The following NBAS variants were observed in gnomAD, a reference collection of about 807,000 sequenced individuals.
NBAS encodes NBAS subunit of NRZ tethering complex.
In NBAS, 219 loss-of-function variants were observed where a neutral mutation model predicts 302.5. That is an observed-to-expected ratio of 0.72 (90% CI 0.65 to 0.81). The LOEUF (loss-of-function observed/expected upper bound fraction) is 0.81, where lower values mean the gene tolerates loss of function less well. Ranked by LOEUF, NBAS falls within the 30% of genes least tolerant of loss-of-function variation. The probability of loss-of-function intolerance (pLI) is 0.00; values close to 1 mark genes in which losing one functional copy is unlikely to be tolerated. For synonymous variants in NBAS, 1,118 were observed against 1,021.6 expected, an observed-to-expected ratio of 1.09 and a Z score of -1.80; for missense variants, 2,932 against 2,841.6, an observed-to-expected ratio of 1.03 and a Z score of -0.72.
intron 1 of NBAS, among the ~76,000 whole-genome samples, chr2:15,559,016 T>A (rs1291363869): frequency 8.0e-6 from 1 of 124,516 alleles, no homozygotes; most frequent in Non-Finnish European, 1.6e-5. Flanking sequence ...TGAGCCCTGA[T>A]CATGCCACTG....
chr2:15,296,484 C>A (rs1188637582), intron 40 of NBAS, among the ~76,000 whole-genome samples: 1 of 151,960 alleles, frequency 6.6e-6, no homozygotes, highest in Non-Finnish European at 1.5e-5. Flanking sequence ...TGAGATTGTG[C>A]TACTGCACTC....
intron 35 of NBAS, among the ~76,000 whole-genome samples, chr2:15,331,655 T>TAA (rs538209672): frequency 2.0e-5 from 3 of 152,214 alleles, no homozygotes; most frequent in Non-Finnish European, 4.4e-5. Context: ...TAAGTAATAA[T>TAA]AAAGTAATAA....
chr2:15,171,874 G>T (rs527481945), intron 51 of NBAS, among the ~76,000 whole-genome samples: 1 of 152,226 alleles, frequency 6.6e-6, no homozygotes, highest in Non-Finnish European at 1.5e-5. Context: ...CCGTCGACAC[G>T]CCAAGGAGAG....
At chr2:14,805,792 G>A in the NBAS span, among the ~76,000 whole-genome samples, 1 of 151,990 alleles carries the variant, frequency 6.6e-6, no homozygotes, top group African/African-American at 2.4e-5. Flanking sequence ...GACTTTTATT[G>A]ACTGCCTTTG....
At chr2:15,305,500 GGAGTGCAACGGCGC>G (rs1176355761) in intron 40 of NBAS, among the ~76,000 whole-genome samples, 4 of 149,836 alleles carry the variant, frequency 2.7e-5, no homozygotes, top group African/African-American at 9.9e-5. Flanking sequence ...TTGCCCAGGC[GGAGTGCAACGGCGC>G]GATCTCAGCT....
intron 26 of NBAS, among the ~76,000 whole-genome samples, chr2:15,399,184 G>T (rs1261449063): frequency 1.3e-5 from 2 of 152,124 alleles, no homozygotes; most frequent in Non-Finnish European, 2.9e-5. Flanking sequence ...TTACTTTTAA[G>T]AGTTATGCAC....
chr2:14,793,664 G>GA, the NBAS span, among the ~76,000 whole-genome samples: 1 of 151,956 alleles, frequency 6.6e-6, no homozygotes, highest in Non-Finnish European at 1.5e-5. Context: ...AATGATCGAT[G>GA]AAAAAAATGT....
At chr2:14,883,206 T>C in the NBAS span, among the ~76,000 whole-genome samples, 3 of 152,222 alleles carry the variant, frequency 2.0e-5, no homozygotes, top group Non-Finnish European at 4.4e-5. Flanking sequence ...CATATGTGTC[T>C]TCTTGAAAGC....
At chr2:15,096,486 C>A in the NBAS span, among the ~76,000 whole-genome samples, 9 of 152,188 alleles carry the variant, frequency 5.9e-5, no homozygotes, top group Non-Finnish European at 1.3e-4. Context: ...CACAGCAAGA[C>A]CTTTGGTGTT....
the NBAS span, among the ~76,000 whole-genome samples, chr2:14,808,126 C>A: frequency 6.6e-6 from 1 of 152,174 alleles, no homozygotes; most frequent in Non-Finnish European, 1.5e-5. Context: ...TGCAAGACAT[C>A]AGACTTTATT....
At chr2:15,135,535 G>T in the NBAS span, among the ~76,000 whole-genome samples, 7 of 152,162 alleles carry the variant, frequency 4.6e-5, no homozygotes, top group Admixed American at 3.9e-4. Flanking sequence ...GTACACAGAG[G>T]AGTGAGCAGT....
intron 11 of NBAS, among the ~76,000 whole-genome samples, chr2:15,500,438 C>A (rs1572935655): frequency 1.3e-5 from 2 of 150,666 alleles, no homozygotes; most frequent in East Asian, 3.9e-4. Context: ...TTGAACAAAA[C>A]AAACATAAAT....
chr2:15,150,762 C>A, the NBAS span, among the ~76,000 whole-genome samples: 1 of 152,100 alleles, frequency 6.6e-6, no homozygotes, highest in East Asian at 1.9e-4. Flanking sequence ...CATGTTTAAC[C>A]TAAATCCTTA....
chr2:14,823,828 TTAAA>T, the NBAS span, among the ~76,000 whole-genome samples: 1 of 152,224 alleles, frequency 6.6e-6, no homozygotes, highest in Non-Finnish European at 1.5e-5. Context: ...AAAGCATATC[TTAAA>T]TAAAATTTTA....
chr2:14,935,909 A>G, the NBAS span, among the ~76,000 whole-genome samples: 1 of 152,148 alleles, frequency 6.6e-6, no homozygotes, highest in African/African-American at 2.4e-5. Flanking sequence ...TCCCTGGCCC[A>G]CCCCTAGGTG....
At chr2:15,267,273 G>A (rs1171927436) in intron 44 of NBAS, among the ~76,000 whole-genome samples, 3 of 152,144 alleles carry the variant, frequency 2.0e-5, no homozygotes, top group Admixed American at 6.5e-5. Flanking sequence ...ACAGCATGCA[G>A]AATAGTGACT....
chr2:15,431,478 G>A lies in NBAS; in HGVS notation c.2340-3684C>T, dbSNP rs527406788. ...CCAACATAAAAACTCTTTAAAGTCA[G>A]GATTCTTGTTTATTTTGTCTAGTGC... is the stretch of plus-strand genomic sequence containing the variant. On this transcript the variant is annotated intron_variant, in intron 21 of 51. Transcript: ENST00000281513. 3.3e-5 allele frequency among the ~76,000 whole-genome samples: 5 copies of A among 152,174 alleles called. No individual in the cohort carries two copies. The South Asian group carries it at 1.0e-3, about 32-fold the overall frequency.
chr2:15,295,520 G>A (rs1030639522), intron 40 of NBAS, among the ~76,000 whole-genome samples: 1 of 152,216 alleles, frequency 6.6e-6, no homozygotes, highest in Non-Finnish European at 1.5e-5. Context: ...GTTGTGAGAA[G>A]CCTAAGAGAC....
chr2:14,862,235 T>C, the NBAS span, among the ~76,000 whole-genome samples: 1 of 151,144 alleles, frequency 6.6e-6, no homozygotes, highest in Non-Finnish European at 1.5e-5. Flanking sequence ...ACCTCCCGGG[T>C]TCAAGTGATT....
Sources: gnomAD v4.1 joint callset for allele counts (sites outside exome capture counted in the v4.1 genomes callset) on GRCh38, gnomAD v4.1.1 for gene constraint, MANE v1.5 for transcripts, NCBI Gene and HGNC (gene_info 2026-07-23, HGNC 2026-07-21) for gene names.